Variants in MMP15 observed in about 807,000 individuals in gnomAD.
The protein encoded by MMP15 is matrix metalloproteinase-15.
MMP15 carries 36 observed loss-of-function variants against 65.0 expected under a neutral mutation model. The ratio of observed to expected loss-of-function variants is 0.55; its 90% CI spans 0.42 to 0.73. The LOEUF is 0.73. Ranked by LOEUF, MMP15 falls within the 30% of genes least tolerant of loss-of-function variation. The pLI, the probability that MMP15 is intolerant of heterozygous loss-of-function variation, is 0.00. For missense variants in MMP15, 870 were observed against 987.8 expected (o/e 0.88, Z 1.60); for synonymous variants, 428 against 410.2 (o/e 1.04, Z -0.52).
chr16:58,037,609 A>G lies in MMP15; in HGVS notation c.300A>G (p.Glu100=), dbSNP rs1380880395. The G allele has an allele frequency of 2.5e-6, 4 of 1,614,054 alleles. No homozygotes were observed. Among genetic ancestry groups the G allele is most frequent in the Non-Finnish European group, 3.4e-6 (4 of 1,180,032 alleles). Residue 100 remains glutamate, a synonymous_variant, in exon 2 of 10, where the codon GAA becomes GAG. Transcript: ENST00000219271. ...YGIPVTGVLD[E]ETKEWMKRPR... ...TCCCAGTCACCGGTGTGCTCGACGAAGAGACCAAGGAGTGAGTTCCCCCCA... is the reference window on the plus strand; with the variant it reads ...TCCCAGTCACCGGTGTGCTCGACGAGGAGACCAAGGAGTGAGTTCCCCCCA...
intron 3 of MMP15, 114 bp from the exon 4 acceptor site, chr16:58,039,761 A>G (rs1959408924): frequency 4.0e-6 from 4 of 1,007,992 alleles, no homozygotes; most frequent in Non-Finnish European, 5.8e-6. Context: ...GCAAACTGCC[A>G]GTTGATAATG....
intron 9 of MMP15, 54 bp from the exon 10 acceptor site, chr16:58,044,953 C>A: frequency 6.3e-7 from 1 of 1,594,564 alleles, no homozygotes; most frequent in Non-Finnish European, 8.6e-7. Context: ...TTTGATGGTT[C>A]TCACTGGTGG....
At chr16:58,037,984 C>T (rs1323022787) in intron 2 of MMP15, among the ~76,000 whole-genome samples, 1 of 152,200 alleles carries the variant, frequency 6.6e-6, no homozygotes, top group Admixed American at 6.5e-5. Context: ...AAACAATGCA[C>T]AGAGCATAAC....
Position 58,037,520 on chromosome 16 carries a change from T to A in MMP15, c.211T>A (p.Ser71Thr). Residue 71 changes from serine (S) to threonine (T), a missense_variant, in exon 2 of 10, where the codon TCC (serine) becomes ACC (threonine). Ser to Thr is a moderately conservative substitution (Grantham distance 58). Coordinates refer to ENST00000219271, the MANE Select transcript of MMP15 (RefSeq NM_002428.4). ...GYLPQPSRHM[S>T]TMRSAQILAS... Reference sequence around the variant, plus strand: ...CCTGCCTCAGCCCAGCCGCCATATGTCCACCATGCGTTCCGCCCAGATCTT... The same window carrying A: ...CCTGCCTCAGCCCAGCCGCCATATGACCACCATGCGTTCCGCCCAGATCTT... 6.2e-7 allele frequency: 1 copy of A among 1,614,128 alleles called. No individual in the cohort carries two copies. Among genetic ancestry groups the A allele is most frequent in the Non-Finnish European group, 8.5e-7 (1 of 1,180,028 alleles).
chr16:58,038,747 T>C (rs1959387039), intron 3 of MMP15, among the ~76,000 whole-genome samples: 1 of 152,186 alleles, frequency 6.6e-6, no homozygotes, highest in African/African-American at 2.4e-5. Flanking sequence ...GCAGAATCCT[T>C]GGATCAGGGG....
Position 58,042,299 on chromosome 16 carries a change from C to A in MMP15, c.1233C>A (p.Phe411Leu). 2.5e-6 allele frequency: 4 copies of A among 1,614,260 alleles called. No homozygotes were observed. Among genetic ancestry groups the A allele is most frequent in the Non-Finnish European group, 3.4e-6 (4 of 1,180,038 alleles). ...LDNYPMPIGH[F>L]WRGLPGDISA... ...ACTATCCCATGCCCATCGGGCACTT[C>A]TGGCGTGGTCTGCCCGGTGACATCA... is the stretch of plus-strand genomic sequence containing the variant. The change falls in exon 7 of 10, where the codon TTC (phenylalanine) becomes TTA (leucine). Residue 411 changes from phenylalanine to leucine, a missense_variant. Transcript: ENST00000219271.
chr16:58,028,982 C>G (rs1211755196), intron 1 of MMP15, among the ~76,000 whole-genome samples: 2 of 152,232 alleles, frequency 1.3e-5, no homozygotes, highest in African/African-American at 2.4e-5. Flanking sequence ...TCCAGGCTCA[C>G]CGGGGGAGCT....
chr16:58,027,447 C>T (rs1963837996), intron 1 of MMP15, among the ~76,000 whole-genome samples: 1 of 152,246 alleles, frequency 6.6e-6, no homozygotes, highest in Non-Finnish European at 1.5e-5. Context: ...GACCTGCGCC[C>T]TGCCCCAGAT....
intron 1 of MMP15, among the ~76,000 whole-genome samples, chr16:58,034,835 G>T (rs975524520): frequency 2.0e-5 from 3 of 152,104 alleles, no homozygotes; most frequent in Admixed American, 6.5e-5. Context: ...AGCTGGCCCC[G>T]GGGTTGAAGG....
rs1274748470 is a variant in MMP15 at position 58,038,400 on chromosome 16, G to T, written c.440+6G>T. 1 of 1,613,804 alleles carries T rather than the reference G, an allele frequency of 6.2e-7. No homozygotes were observed. Among genetic ancestry groups the T allele is most frequent in the East Asian group, 2.2e-5 (1 of 44,878 alleles). On this transcript the variant is annotated splice_donor_region_variant and intron_variant, in intron 3 of 9. Transcript: ENST00000219271. Reference sequence around the variant, plus strand: ...AACCACCATCTGACCTTTAGGTAGGGGGCTCAGCTGCCCAGGGAAGCATCT... The same window carrying T: ...AACCACCATCTGACCTTTAGGTAGGTGGCTCAGCTGCCCAGGGAAGCATCT...
Position 58,041,607 on chromosome 16 carries a change from C to A in MMP15, c.911-10C>A. The A allele has an allele frequency of 6.4e-7, 1 of 1,570,290 alleles. No individual in the cohort carries two copies. Among genetic ancestry groups the A allele is most frequent in the Non-Finnish European group, 8.6e-7 (1 of 1,158,804 alleles). Reference sequence around the variant, plus strand: ...ACAGACCTCACTTCTGAACCCCTGCCTCTCTGCAGGTACCCCAGACGGTCA... The same window carrying A: ...ACAGACCTCACTTCTGAACCCCTGCATCTCTGCAGGTACCCCAGACGGTCA... On this transcript the variant is annotated splice_polypyrimidine_tract_variant and intron_variant, in intron 5 of 9. Transcript: ENST00000219271.
intron 3 of MMP15, 138 bp from the exon 4 acceptor site, chr16:58,039,737 T>C: frequency 2.6e-6 from 2 of 779,020 alleles, no homozygotes; most frequent in South Asian, 2.0e-5. Context: ...ATTCAAATTA[T>C]GATTTACATC....
Position 58,040,697 on chromosome 16 carries a change from C to T in MMP15, c.909C>T (p.Tyr303=), listed in dbSNP as rs141397712. 1,009 of 1,614,062 alleles carry T rather than the reference C, an allele frequency of 6.3e-4. 1 individual carries two copies. The Middle Eastern group carries it at 6.6e-3, about 11-fold the overall frequency. The change falls in exon 5 of 10, where the codon TAC becomes TAT. Residue 303 remains tyrosine, a splice_region_variant and synonymous_variant. Transcript: ENST00000219271. ...EDDLRGIQQL[Y]GTPDGQPQPT... is the part of the protein sequence containing the mutation. Reference sequence around the variant, plus strand: ...ATCTCCGTGGCATCCAGCAGCTCTACGGTGCGTGGGCTGTGACCAGCGGGC... The same window carrying T: ...ATCTCCGTGGCATCCAGCAGCTCTATGGTGCGTGGGCTGTGACCAGCGGGC...
chr16:58,033,630 G>A (rs1265383954), intron 1 of MMP15, among the ~76,000 whole-genome samples: 2 of 152,240 alleles, frequency 1.3e-5, no homozygotes, highest in Admixed American at 1.3e-4. Flanking sequence ...TTGGCCAGGC[G>A]TGGTGGCTCC....
rs1249601981 is a variant in MMP15, at chr16:58,041,760, C to G, written c.1054C>G (p.Pro352Ala). 6.2e-7 allele frequency: 1 copy of G among 1,605,404 alleles called. No individual in the cohort carries two copies. Among genetic ancestry groups the G allele is most frequent in the Non-Finnish European group, 8.5e-7 (1 of 1,176,000 alleles). The change falls in exon 6 of 10, where the codon CCC becomes GCC. Residue 352 changes from proline (P) to alanine (A), a missense_variant. Coordinates refer to ENST00000219271, the MANE Select transcript of MMP15 (RefSeq NM_002428.4). ...GCCAGAGCGGCCCCCAAAGCCGGGC[C>G]CCCCAGTCCAGCCCCGAGCCACAGA... is the stretch of plus-strand genomic sequence containing the variant. ...GKPERPPKPGPPVQPRATERP... is the reference protein window; with the variant it reads ...GKPERPPKPGAPVQPRATERP...
At chr16:58,041,915 C>T (rs1264424430) in intron 6 of MMP15, 45 bp downstream of exon 6, 1 of 1,529,554 alleles carries the variant, frequency 6.5e-7, no homozygotes, top group Admixed American at 2.1e-5. Context: ...TTTTCCCTGG[C>T]TGCTCTGGGC....
intron 1 of MMP15, among the ~76,000 whole-genome samples, chr16:58,036,410 G>A (rs1567429658): frequency 6.6e-6 from 1 of 152,172 alleles, no homozygotes; most frequent in Non-Finnish European, 1.5e-5. Context: ...GTTCCTGAAG[G>A]CCAGGATGCC....
intron 7 of MMP15, 44 bp from the exon 8 acceptor site, chr16:58,043,166 C>T (rs1323831506): frequency 1.8e-5 from 27 of 1,509,120 alleles, no homozygotes; most frequent in Non-Finnish European, 2.3e-5. Context: ...ACACACCCCT[C>T]AGCCCCAGGC....
Position 58,040,627 on chromosome 16 carries a change from T to A in MMP15, c.839T>A (p.Phe280Tyr). 1 of 1,614,184 alleles carries A rather than the reference T, an allele frequency of 6.2e-7. No individual in the cohort carries two copies. Among genetic ancestry groups the A allele is most frequent in the Middle Eastern group, 1.6e-4 (1 of 6,062 alleles). Residue 280 changes from phenylalanine (F) to tyrosine (Y), a missense_variant, in exon 5 of 10, where the codon TTC (phenylalanine) becomes TAC (tyrosine). Transcript: ENST00000219271. The stretch of plus-strand genomic sequence containing the variant: ...AACCCCAATGCCATCATGGCGCCGT[T>A]CTACCAGTGGAAGGACGTTGACAAC... ...SSNPNAIMAP[F>Y]YQWKDVDNFK...
Sources: gnomAD v4.1 joint callset for allele counts (sites outside exome capture counted in the v4.1 genomes callset) on GRCh38, gnomAD v4.1.1 for gene constraint, MANE v1.5 for transcripts, NCBI Gene and HGNC (gene_info 2026-07-23, HGNC 2026-07-21) for gene names.